RIT2: variants seen among roughly 807,000 people sequenced by gnomAD.
RIT2 encodes the protein GTP-binding protein Rit2.
A neutral mutation model predicts 23.7 loss-of-function variants in RIT2; 24 were observed. That is an observed-to-expected ratio of 1.01 (90% CI 0.73 to 1.43). The LOEUF (loss-of-function observed/expected upper bound fraction) is 1.43. RIT2 is among the 40% of genes most tolerant of loss of function. RIT2 has a pLI of 0.00. For missense variants in RIT2, 236 were observed against 266.9 expected, an observed-to-expected ratio of 0.88 and a Z score of 0.81; for synonymous variants, 107 against 91.1, an observed-to-expected ratio of 1.17 and a Z score of -0.99.
At chr18:43,030,472 T>C (rs956789759) in intron 2 of RIT2, among the ~76,000 whole-genome samples, 1 of 152,052 alleles carries the variant, frequency 6.6e-6, no homozygotes, top group Non-Finnish European at 1.5e-5. Context: ...ACATAAATAA[T>C]AGCAAGACCA....
chr18:42,945,016 C>T (rs1194829864), intron 3 of RIT2, among the ~76,000 whole-genome samples: 1 of 151,980 alleles, frequency 6.6e-6, no homozygotes, highest in Non-Finnish European at 1.5e-5. Flanking sequence ...TTAATTATTG[C>T]ATACTAAGAA....
intron 4 of RIT2, among the ~76,000 whole-genome samples, chr18:42,849,573 C>T (rs1275132022): frequency 1.3e-5 from 2 of 152,050 alleles, no homozygotes; most frequent in Admixed American, 6.6e-5. Context: ...CCAATATAGT[C>T]ATTGATTATT....
intron 4 of RIT2, among the ~76,000 whole-genome samples, chr18:42,854,112 T>C (rs1050463053): frequency 6.6e-6 from 1 of 152,212 alleles, no homozygotes; most frequent in African/African-American, 2.4e-5. Context: ...TCTATAAATA[T>C]GATGTAAACT....
Position 42,766,675 on chromosome 18 carries a change from G to A in RIT2, c.427-22955C>T, listed in dbSNP as rs1278660893. Among the ~76,000 whole-genome samples, 4 of 152,192 alleles carry A rather than the reference G, an allele frequency of 2.6e-5. No individual in the cohort carries two copies. In the South Asian group the frequency reaches 8.3e-4, roughly 31 times the overall value. ...CCTAATGTTAAACCCCAAAACCATG[G>A]GGGAAAATGTCTCCAGGCCATGTCA... On this transcript the variant is annotated intron_variant, in intron 4 of 4. Coordinates refer to ENST00000326695, the MANE Select transcript of RIT2 (RefSeq NM_002930.4).
chr18:43,111,665 C>G (rs986420082), intron 1 of RIT2, among the ~76,000 whole-genome samples: 5 of 152,280 alleles, frequency 3.3e-5, no homozygotes, highest in African/African-American at 1.2e-4. Context: ...TACCTCTAGT[C>G]CTCATCCTAT....
chr18:43,102,897 G>GC (rs1240207899), intron 1 of RIT2, among the ~76,000 whole-genome samples: 1 of 152,004 alleles, frequency 6.6e-6, no homozygotes, highest in Non-Finnish European at 1.5e-5. Flanking sequence ...CAAGTGATCT[G>GC]CCCACCTCGG....
chr18:43,095,686 T>C (rs1368404626), intron 1 of RIT2, among the ~76,000 whole-genome samples: 1 of 151,996 alleles, frequency 6.6e-6, no homozygotes, highest in African/African-American at 2.4e-5. Flanking sequence ...TTAATACCTA[T>C]CCACTTACTT....
chr18:42,974,036 A>G (rs755496674), intron 3 of RIT2, 38 bp downstream of exon 3: 2 of 1,382,448 alleles, frequency 1.4e-6, no homozygotes, highest in Non-Finnish European at 2.0e-6. Flanking sequence ...AGCATAAAAT[A>G]AACTCAGAGA....
chr18:43,016,003 A>G (rs1911466314), intron 2 of RIT2, among the ~76,000 whole-genome samples: 1 of 151,854 alleles, frequency 6.6e-6, no homozygotes, highest in African/African-American at 2.4e-5. Context: ...ACTTGGTTTG[A>G]CTAATGAAGG....
chr18:42,911,283 TA>T (rs566923415), intron 4 of RIT2, among the ~76,000 whole-genome samples: 2,394 of 151,976 alleles, frequency 0.016, 21 homozygotes, highest in Middle Eastern at 0.024. Flanking sequence ...AAGAGCTAAA[TA>T]AATTCAAAAC....
rs527817995 is a variant in RIT2, at chr18:43,011,294, G to A, written c.160+22517C>T. Among the ~76,000 whole-genome samples, 13 of 151,834 alleles carry A rather than the reference G, an allele frequency of 8.6e-5. No homozygotes were observed. In the South Asian group the frequency reaches 2.7e-3, roughly 32 times the overall value. On this transcript the variant is annotated intron_variant, in intron 2 of 4. Transcript: ENST00000326695. Reference sequence around the variant, plus strand: ...GAACAGAATACAGAAAGAGATCAGAGGAGCAGGCAGGAGCTGCATCATGCA... The same window carrying A: ...GAACAGAATACAGAAAGAGATCAGAAGAGCAGGCAGGAGCTGCATCATGCA...
chr18:43,092,867 G>T (rs1913457712), intron 1 of RIT2, among the ~76,000 whole-genome samples: 1 of 152,052 alleles, frequency 6.6e-6, no homozygotes, highest in South Asian at 2.1e-4. Flanking sequence ...TCTTGGGCCA[G>T]TCTGGAATAG....
At chr18:43,052,825 G>C (rs1232397344) in intron 1 of RIT2, among the ~76,000 whole-genome samples, 1 of 151,992 alleles carries the variant, frequency 6.6e-6, no homozygotes, top group Admixed American at 6.6e-5. Flanking sequence ...CTGTGACTTC[G>C]AGTAGCCTAT....
At chr18:43,086,084 A>G (rs1383125907) in intron 1 of RIT2, among the ~76,000 whole-genome samples, 1 of 152,156 alleles carries the variant, frequency 6.6e-6, no homozygotes, top group Non-Finnish European at 1.5e-5. Flanking sequence ...AATGCTTGGG[A>G]CCAGAAATGT....
rs193276527 is a variant in RIT2 at position 42,962,310 on chromosome 18, C to A, written c.234+11764G>T. Among the ~76,000 whole-genome samples the A allele has an allele frequency of 5.9e-5, 9 of 152,070 alleles. No homozygotes were observed. The East Asian group carries it at 1.7e-3, about 29-fold the overall frequency. ...GACAATGAGAAAACAATTTTAAAAA[C>A]GGGAAGAGGAAACCCATTTAAAATT... On this transcript the variant is annotated intron_variant, in intron 3 of 4. Transcript: ENST00000326695.
chr18:43,058,382 G>A (rs899961626), intron 1 of RIT2, among the ~76,000 whole-genome samples: 9 of 151,976 alleles, frequency 5.9e-5, no homozygotes, highest in Admixed American at 5.2e-4. Context: ...AGATTCACCC[G>A]GGAGCTTGCA....
chr18:42,968,999 C>T (rs1910301759), intron 3 of RIT2, among the ~76,000 whole-genome samples: 1 of 152,146 alleles, frequency 6.6e-6, no homozygotes, highest in South Asian at 2.1e-4. Context: ...AGCCTACCTT[C>T]CCATACCTTT....
chr18:43,072,953 G>T (rs910229244), intron 1 of RIT2, among the ~76,000 whole-genome samples: 4 of 152,156 alleles, frequency 2.6e-5, no homozygotes, highest in African/African-American at 7.2e-5. Context: ...ACACACTCTA[G>T]CTCCCTCTTC....
At chr18:43,022,820 A>G (rs1357281997) in intron 2 of RIT2, among the ~76,000 whole-genome samples, 1 of 152,098 alleles carries the variant, frequency 6.6e-6, no homozygotes, top group African/African-American at 2.4e-5. Context: ...AAGCAACCAG[A>G]AGGAGTGAGA....
Sources: allele counts gnomAD v4.1 joint callset (sites outside exome capture counted in the v4.1 genomes callset), GRCh38; gene constraint gnomAD v4.1.1; transcripts MANE v1.5; gene names NCBI Gene and HGNC (gene_info 2026-07-23, HGNC 2026-07-21).